The following MBD5 variants were observed in gnomAD, a reference collection of about 807,000 sequenced individuals.
The protein encoded by MBD5 is methyl-CpG-binding domain protein 5.
MBD5 carries 13 observed loss-of-function variants against 117.3 expected under a neutral mutation model. That is an observed-to-expected ratio of 0.11 (90% CI 0.07 to 0.18). The LOEUF (loss-of-function observed/expected upper bound fraction) is 0.18, where lower values mean the gene tolerates loss of function less well. Ranked by LOEUF, MBD5 falls within the 10% of genes least tolerant of loss-of-function variation. The pLI is 1.00. For missense variants in MBD5, 1,879 were observed against 2,093.8 expected, an observed-to-expected ratio of 0.90 and a Z score of 2.00; for synonymous variants, 727 against 766.4, an observed-to-expected ratio of 0.95 and a Z score of 0.85.
intron 4 of MBD5, among the ~76,000 whole-genome samples, chr2:148,423,703 T>C (rs1179297170): frequency 6.6e-6 from 1 of 152,064 alleles, no homozygotes; most frequent in Non-Finnish European, 1.5e-5. Context: ...CATAACAATA[T>C]TACCCTTAAA....
intron 3 of MBD5, chr2:148,244,448 A>C (rs891304885): frequency 4.6e-5 from 7 of 152,166 alleles, no homozygotes; most frequent in African/African-American, 1.7e-4. Context: ...TGTTTTGAAT[A>C]GGTAGCCCTT....
intron 3 of MBD5, among the ~76,000 whole-genome samples, chr2:148,238,356 A>G (rs1387109087): frequency 1.3e-5 from 2 of 152,196 alleles, no homozygotes; most frequent in Non-Finnish European, 2.9e-5. Flanking sequence ...TAGGGTATGC[A>G]TGGACTGTTC....
chr2:148,410,441 T>G (rs1705215766), intron 4 of MBD5, among the ~76,000 whole-genome samples: 1 of 152,152 alleles, frequency 6.6e-6, no homozygotes, highest in African/African-American at 2.4e-5. Flanking sequence ...ATTATTTTTT[T>G]GAGAGAAATA....
intron 3 of MBD5, among the ~76,000 whole-genome samples, chr2:148,282,543 AT>A (rs147698344): frequency 0.28 from 42,057 of 151,580 alleles, 6,485 homozygotes; most frequent in Admixed American, 0.37. Flanking sequence ...GGTTAAAAAA[AT>A]ATGTATATAT....
At chr2:148,181,610 A>C (rs1358518513) in intron 2 of MBD5, among the ~76,000 whole-genome samples, 1 of 152,144 alleles carries the variant, frequency 6.6e-6, no homozygotes, top group Non-Finnish European at 1.5e-5. Flanking sequence ...TGAGTATCTC[A>C]TCATATACCT....
chr2:148,027,270 A>G lies in MBD5; in HGVS notation c.-925+5586A>G, dbSNP rs1693922934. 2 of 152,182 alleles carry G rather than the reference A, an allele frequency of 1.3e-5. 1 individual carries two copies. The highest frequency in any genetic ancestry group is 1.3e-4 in the Admixed American group (2 of 15,270). 9.4% of individuals were successfully genotyped at this position (152,182 alleles called of 1,614,324 possible). The stretch of plus-strand genomic sequence containing the variant: ...CTAAAGTCAGAAATATTTTGGTATA[A>G]GAATGATCAACTTGTTGGGTTCTCT... On this transcript the variant is annotated intron_variant, in intron 1 of 13. Coordinates refer to ENST00000642680, the MANE Select transcript of MBD5 (RefSeq NM_001378120.1).
At chr2:148,374,233 T>G (rs929611145) in intron 4 of MBD5, among the ~76,000 whole-genome samples, 3 of 135,452 alleles carry the variant, frequency 2.2e-5, no homozygotes, top group Non-Finnish European at 4.6e-5. Context: ...CTAAATATGT[T>G]TATGCATACA....
intron 4 of MBD5, among the ~76,000 whole-genome samples, chr2:148,440,545 G>C (rs1184878404): frequency 6.6e-6 from 1 of 152,038 alleles, no homozygotes; most frequent in Admixed American, 6.6e-5. Flanking sequence ...TTATTAAGAA[G>C]AACTTTTCTA....
chr2:148,150,417 G>A (rs970116133), intron 1 of MBD5, among the ~76,000 whole-genome samples: 9 of 151,808 alleles, frequency 5.9e-5, no homozygotes, highest in Non-Finnish European at 1.0e-4. Context: ...TTGACTTGGC[G>A]ATGCAGGCTC....
intron 13 of MBD5, 87 bp downstream of exon 13, chr2:148,510,222 A>T (rs1559109153): frequency 1.1e-6 from 1 of 943,958 alleles, no homozygotes; most frequent in Non-Finnish European, 1.7e-6. Flanking sequence ...GAGTATTGTC[A>T]AACAACTCAC....
At chr2:148,090,066 G>A (rs531523506) in intron 1 of MBD5, among the ~76,000 whole-genome samples, 7 of 151,788 alleles carry the variant, frequency 4.6e-5, no homozygotes, top group Admixed American at 2.0e-4. Context: ...ACCTTTACAC[G>A]CACAAAATAG....
chr2:148,334,632 C>A (rs1702741398), intron 3 of MBD5, among the ~76,000 whole-genome samples: 1 of 152,032 alleles, frequency 6.6e-6, no homozygotes, highest in African/African-American at 2.4e-5. Context: ...TGTGCCCAGC[C>A]TTGTTTTTGC....
intron 3 of MBD5, among the ~76,000 whole-genome samples, chr2:148,330,261 T>C (rs1171840478): frequency 3.3e-5 from 5 of 152,094 alleles, no homozygotes; most frequent in South Asian, 2.1e-4. Context: ...TTGAGCATCA[T>C]TGGCCCTGAT....
At chr2:148,397,718 T>G (rs937159970) in intron 4 of MBD5, among the ~76,000 whole-genome samples, 1 of 152,146 alleles carries the variant, frequency 6.6e-6, no homozygotes, top group Non-Finnish European at 1.5e-5. Flanking sequence ...TTGTTACATA[T>G]ATATACATGT....
intron 9 of MBD5, among the ~76,000 whole-genome samples, chr2:148,484,888 G>A (rs571367291): frequency 8.9e-4 from 136 of 152,200 alleles, no homozygotes; most frequent in African/African-American, 2.9e-3. Flanking sequence ...GATGTCAATG[G>A]CATCTTCAAG....
chr2:148,306,523 GGA>G (rs1309058968), intron 3 of MBD5, among the ~76,000 whole-genome samples: 3 of 152,054 alleles, frequency 2.0e-5, no homozygotes, highest in African/African-American at 7.2e-5. Flanking sequence ...TCCATATTTT[GGA>G]GAGATTAGGC....
chr2:148,112,304 A>G lies in MBD5; in HGVS notation c.-924-66396A>G, dbSNP rs79130018. ...CATTTAGGGTATTTACTAATATCCT[A>G]TTTCCCAAGGAATCTCCTCAGCATA... is the stretch of plus-strand genomic sequence containing the variant. On this transcript the variant is annotated intron_variant, in intron 1 of 13. Transcript: ENST00000642680. 1.8e-3 allele frequency among the ~76,000 whole-genome samples: 270 copies of G among 152,314 alleles called. 10 individuals carry two copies. The East Asian group carries it at 0.046, about 26-fold the overall frequency.
chr2:148,225,239 G>A (rs1277463338), intron 2 of MBD5, among the ~76,000 whole-genome samples: 1 of 152,040 alleles, frequency 6.6e-6, no homozygotes, highest in African/African-American at 2.4e-5. Context: ...AGGTTACCAA[G>A]AGGTTTGCAA....
chr2:148,172,969 TC>T (rs1698296832), intron 1 of MBD5, among the ~76,000 whole-genome samples: 4 of 152,046 alleles, frequency 2.6e-5, no homozygotes, highest in African/African-American at 9.7e-5. Context: ...CCACTTCAGA[TC>T]TCCTGAGAGC....
Sources: gnomAD v4.1 joint callset for allele counts (sites outside exome capture counted in the v4.1 genomes callset) on GRCh38, gnomAD v4.1.1 for gene constraint, MANE v1.5 for transcripts, NCBI Gene and HGNC (gene_info 2026-07-23, HGNC 2026-07-21) for gene names.